Variants in TMEM63B observed in about 807,000 individuals in gnomAD.
TMEM63B encodes the protein mechanosensitive cation channel TMEM63B.
In TMEM63B, 23 loss-of-function variants were observed where a neutral mutation model predicts 102.6. The ratio of observed to expected loss-of-function variants is 0.22; its 90% CI spans 0.16 to 0.32. The LOEUF (loss-of-function observed/expected upper bound fraction) is 0.32. Ranked by LOEUF, TMEM63B falls within the 10% of genes least tolerant of loss-of-function variation. TMEM63B has a pLI of 1.00. For synonymous variants in TMEM63B, 444 were observed against 437.0 expected (o/e 1.02, Z -0.20); for missense variants, 628 against 1,095.9 (o/e 0.57, Z 6.03).
chr6:44,130,505 C>G (rs1778052753), intron 1 of TMEM63B, among the ~76,000 whole-genome samples: 1 of 150,018 alleles, frequency 6.7e-6, no homozygotes, highest in African/African-American at 2.5e-5. Flanking sequence ...GTGGCATGAT[C>G]TTGGTTCACT....
intron 12 of TMEM63B, among the ~76,000 whole-genome samples, chr6:44,147,736 A>C (rs1765714383): frequency 6.6e-6 from 1 of 152,242 alleles, no homozygotes; most frequent in South Asian, 2.1e-4. Flanking sequence ...GACTTGAGCA[A>C]GTTGCTTACT....
chr6:44,153,441 G>T (rs1016265662), intron 20 of TMEM63B, among the ~76,000 whole-genome samples: 4 of 152,218 alleles, frequency 2.6e-5, no homozygotes, highest in African/African-American at 9.7e-5. Flanking sequence ...TGATTCAAAT[G>T]ACTAGATTTC....
chr6:44,131,298 T>C (rs184871940), intron 1 of TMEM63B, among the ~76,000 whole-genome samples: 4 of 152,270 alleles, frequency 2.6e-5, no homozygotes, highest in African/African-American at 9.6e-5. Context: ...TAAGGATATT[T>C]GTATCTCTTT....
chr6:44,134,135 G>T (rs1031317359), intron 1 of TMEM63B, among the ~76,000 whole-genome samples: 2 of 152,160 alleles, frequency 1.3e-5, no homozygotes, highest in African/African-American at 2.4e-5. Flanking sequence ...CTGACGTGGA[G>T]ACCCCTCATC....
At chr6:44,140,988 G>A (rs372108714) in intron 9 of TMEM63B, 40 bp from the exon 10 acceptor site, 13 of 1,604,830 alleles carry the variant, frequency 8.1e-6, no homozygotes, top group Non-Finnish European at 1.1e-5. Context: ...CTCCACTGGG[G>A]TCAAGCCTCA....
intron 1 of TMEM63B, among the ~76,000 whole-genome samples, chr6:44,133,727 C>T (rs1443480696): frequency 6.6e-6 from 1 of 152,236 alleles, no homozygotes; most frequent in Non-Finnish European, 1.5e-5. Context: ...GCTGCCCAGG[C>T]AGGCTAAGAG....
chr6:44,132,629 T>C (rs559505231), intron 1 of TMEM63B, among the ~76,000 whole-genome samples: 1 of 152,262 alleles, frequency 6.6e-6, no homozygotes, highest in South Asian at 2.1e-4. Context: ...ATCTTATGTT[T>C]ACATACCCGG....
At chr6:44,140,100 G>A (rs1763925948) in intron 8 of TMEM63B, 152 bp from the exon 9 acceptor site, 1 of 656,580 alleles carries the variant, frequency 1.5e-6, no homozygotes, top group Admixed American at 2.8e-5. Context: ...GATGTGGGAT[G>A]TGGGCCTGCC....
rs146320190 is a variant in TMEM63B at position 44,135,336 on chromosome 6, G to A, written c.248G>A (p.Arg83Gln). 76 of 1,612,934 alleles carry A rather than the reference G, an allele frequency of 4.7e-5. No individual in the cohort carries two copies. In the East Asian group the frequency reaches 1.3e-3, roughly 27 times the overall value. Residue 83 changes from arginine to glutamine, a missense_variant, in exon 4 of 24, where the codon CGG becomes CAG. By Grantham distance (43) the Arg-to-Gln change is conservative. Coordinates refer to ENST00000323267, the MANE Select transcript of TMEM63B (RefSeq NM_018426.3). ...ALVTDADRLRRQERDRVEQEY... is the reference protein window; with the variant it reads ...ALVTDADRLRQQERDRVEQEY... The stretch of plus-strand genomic sequence containing the variant: ...CTGTTCTCTGTCCCCAGGCTTCGGC[G>A]GCAGGAGAGGGACCGAGTGGAACAG...
At chr6:44,153,591 C>A in intron 20 of TMEM63B, 85 bp from the exon 21 acceptor site, 1 of 1,516,966 alleles carries the variant, frequency 6.6e-7, no homozygotes, top group Non-Finnish European at 8.9e-7. Flanking sequence ...CTTCAGCACT[C>A]TCAGGACCAG....
At chr6:44,138,905 G>T in intron 6 of TMEM63B, 1 of 290,294 alleles carries the variant, frequency 3.4e-6, no homozygotes, top group Non-Finnish European at 6.7e-6. Flanking sequence ...GGCAGTGAGC[G>T]CTGAGAAAGG....
chr6:44,135,745 C>T (rs1462203570), intron 4 of TMEM63B, among the ~76,000 whole-genome samples: 1 of 152,202 alleles, frequency 6.6e-6, no homozygotes, highest in East Asian at 1.9e-4. Flanking sequence ...CTTCATATTC[C>T]AGGGTTCCCT....
chr6:44,136,487 G>A, intron 5 of TMEM63B, 48 bp downstream of exon 5: 2 of 1,301,184 alleles, frequency 1.5e-6, no homozygotes, highest in Non-Finnish European at 2.2e-6. Context: ...CCACCCCCAG[G>A]GCACATGGGC....
Position 44,152,761 on chromosome 6 carries a change from A to G in TMEM63B, c.1942+63A>G, listed in dbSNP as rs992157512. 3.6e-6 allele frequency: 5 copies of G among 1,392,354 alleles called. No individual in the cohort carries two copies. The Admixed American group carries it at 8.8e-5, about 25-fold the overall frequency. 86.2% of individuals were successfully genotyped at this position (1,392,354 alleles called of 1,614,324 possible). A position where few individuals can be genotyped will look rare whatever the true frequency, so the allele number is the denominator to read the frequency against. Reference sequence around the variant, plus strand: ...GGGGACCCAGGACTTCACCCTCTCCACTCTAGGAATGCAGGCCACCCCGAG... The same window carrying G: ...GGGGACCCAGGACTTCACCCTCTCCGCTCTAGGAATGCAGGCCACCCCGAG... On this transcript the variant is annotated intron_variant, in intron 20 of 23. Transcript: ENST00000323267. This position sits in a 1 kb window ranked among gnomAD's most constrained non-coding sequence, Gnocchi z 6.4.
chr6:44,133,122 T>A (rs1762273515), intron 1 of TMEM63B, among the ~76,000 whole-genome samples: 1 of 152,172 alleles, frequency 6.6e-6, no homozygotes, highest in Non-Finnish European at 1.5e-5. Context: ...ATACAATTAC[T>A]AAATTAGTGT....
chr6:44,135,962 A>C lies in TMEM63B; in HGVS notation c.279-387A>C, dbSNP rs1231325461. Among the ~76,000 whole-genome samples the C allele has an allele frequency of 2.6e-5, 4 of 152,038 alleles. No homozygotes were observed. In the East Asian group the frequency reaches 7.7e-4, roughly 29 times the overall value. On this transcript the variant is annotated intron_variant, in intron 4 of 23. Coordinates refer to ENST00000323267, the MANE Select transcript of TMEM63B (RefSeq NM_018426.3). ...CAGCCCTTCCAGGTTCTCCTGGTCCATCCTTTCCTCCACCTCCTCATTGCT... is the reference window on the plus strand; with the variant it reads ...CAGCCCTTCCAGGTTCTCCTGGTCCCTCCTTTCCTCCACCTCCTCATTGCT...
chr6:44,150,405 A>G lies in TMEM63B; in HGVS notation c.1607+95A>G, dbSNP rs1278469502. 16 of 1,475,860 alleles carry G rather than the reference A, an allele frequency of 1.1e-5. No individual in the cohort carries two copies. In the Admixed American group the frequency reaches 1.5e-4, roughly 14 times the overall value. The allele number at this position is 1,475,860 out of a possible 1,614,324, so 91.4% of individuals were successfully genotyped here. On this transcript the variant is annotated intron_variant, in intron 17 of 23. Coordinates refer to ENST00000323267, the MANE Select transcript of TMEM63B (RefSeq NM_018426.3). This position sits in a 1 kb window ranked among gnomAD's most constrained non-coding sequence, Gnocchi z 4.7. ...GCCTCCCTACCTCCCCTACAAAGCA[A>G]GGGGCCCAAGATGGGAAGCCTGGCC...
intron 1 of TMEM63B, among the ~76,000 whole-genome samples, chr6:44,128,368 C>T (rs1373851147): frequency 6.6e-6 from 1 of 152,190 alleles, no homozygotes; most frequent in East Asian, 1.9e-4. Flanking sequence ...TTGGAGGGTG[C>T]GGTGGGGAAA....
Position 44,152,462 on chromosome 6 carries a change from C to T in TMEM63B, c.1837-131C>T, listed in dbSNP as rs1029948864. ...CTGCTCTGCCCTACCCTACCCTAGA[C>T]ATTAGGTCCTGTTCCCCATGGCTTC... On this transcript the variant is annotated intron_variant, in intron 19 of 23. Transcript: ENST00000323267. This position sits in a 1 kb window ranked among gnomAD's most constrained non-coding sequence, Gnocchi z 6.4. The T allele has an allele frequency of 1.6e-5, 11 of 699,888 alleles. No individual in the cohort carries two copies. The highest frequency in any genetic ancestry group is 2.8e-5 in the Non-Finnish European group (11 of 399,178). 43.4% of individuals were successfully genotyped at this position (699,888 alleles called of 1,614,324 possible). A position where few individuals can be genotyped will look rare whatever the true frequency, so the allele number is the denominator to read the frequency against.
Sources: gnomAD v4.1 joint callset for allele counts (sites outside exome capture counted in the v4.1 genomes callset) on GRCh38, gnomAD v4.1.1 for gene constraint, Gnocchi (gnomAD v3.1) non-coding constraint, MANE v1.5 for transcripts, NCBI Gene and HGNC (gene_info 2026-07-23, HGNC 2026-07-21) for gene names.